Variants in SMURF2 observed in about 807,000 individuals in gnomAD.
SMURF2 encodes SMAD specific E3 ubiquitin protein ligase 2, also known as E3 ubiquitin-protein ligase SMURF2.
Under a neutral mutation model 109.6 loss-of-function variants are expected in SMURF2, and 48 were observed. The ratio of observed to expected loss-of-function variants is 0.44; its 90% confidence interval spans 0.35 to 0.56. The LOEUF (loss-of-function observed/expected upper bound fraction) is 0.56, where lower values mean the gene tolerates loss of function less well. Among genes scored for constraint, SMURF2 ranks in the 20% least tolerant of loss-of-function variants. The pLI is 0.01. For synonymous variants in SMURF2, 288 were observed against 317.1 expected, an observed-to-expected ratio of 0.91 and a Z score of 0.97; for missense variants, 575 against 909.0, an observed-to-expected ratio of 0.63 and a Z score of 4.72.
In SMURF2 at chr17:64,544,824, C is replaced by T. The variant is rs553896239; in HGVS notation, c.*1024G>A. On this transcript the variant is annotated 3_prime_UTR_variant, in exon 19 of 19. Coordinates refer to ENST00000262435, the MANE Select transcript of SMURF2 (RefSeq NM_022739.4). ...GCTGATTAAAATTATGAGCAGTTAA[C>T]GCTTTAGGATGGTTTTGTTAATGGA... The T allele has an allele frequency of 3.3e-5, 5 of 152,566 alleles. No individual in the cohort carries two copies. Among genetic ancestry groups the T allele is most frequent in the South Asian group, 2.1e-4 (1 of 4,818 alleles). 9.5% of individuals were successfully genotyped at this position (152,566 alleles called of 1,614,324 possible). A position where few individuals can be genotyped will look rare whatever the true frequency, so the allele number is the denominator to read the frequency against.
intron 1 of SMURF2, among the ~76,000 whole-genome samples, chr17:64,618,483 A>G (rs1555690303): frequency 2.6e-5 from 4 of 152,222 alleles, no homozygotes; most frequent in African/African-American, 9.6e-5. Context: ...AATACACAAA[A>G]GTACCGTTCT....
At chr17:64,565,075 G>T (rs1598273445) in intron 10 of SMURF2, among the ~76,000 whole-genome samples, 1 of 152,182 alleles carries the variant, frequency 6.6e-6, no homozygotes, top group East Asian at 1.9e-4. Flanking sequence ...TTTCAATAAG[G>T]CTGATTTTAA....
chr17:64,627,906 G>A (rs891358152), intron 1 of SMURF2, among the ~76,000 whole-genome samples: 3 of 152,144 alleles, frequency 2.0e-5, no homozygotes, highest in Admixed American at 6.5e-5. Flanking sequence ...CTGACAGCGC[G>A]CTTAGACTTT....
intron 1 of SMURF2, among the ~76,000 whole-genome samples, chr17:64,628,260 G>C (rs1468774056): frequency 6.6e-6 from 1 of 152,158 alleles, no homozygotes; most frequent in Admixed American, 6.6e-5. Context: ...TCCATTGTTA[G>C]TCCACCTGTG....
At chr17:64,644,222 C>T (rs1568208286) in intron 1 of SMURF2, among the ~76,000 whole-genome samples, 1 of 152,144 alleles carries the variant, frequency 6.6e-6, no homozygotes, top group Non-Finnish European at 1.5e-5. Flanking sequence ...TCAGGCAATC[C>T]ACCTGCCTCA....
intron 15 of SMURF2, among the ~76,000 whole-genome samples, chr17:64,553,583 C>T (rs1291007409): frequency 1.3e-5 from 2 of 152,084 alleles, no homozygotes; most frequent in African/African-American, 4.8e-5. Flanking sequence ...CTAAGACTTA[C>T]TTTTAAAATT....
chr17:64,569,803 A>G (rs1020929284), intron 10 of SMURF2, among the ~76,000 whole-genome samples: 2 of 152,212 alleles, frequency 1.3e-5, no homozygotes, highest in Non-Finnish European at 2.9e-5. Context: ...TTGAAGATAG[A>G]AATATTCTAC....
chr17:64,566,494 G>C (rs1969303283), intron 10 of SMURF2, among the ~76,000 whole-genome samples: 1 of 143,058 alleles, frequency 7.0e-6, no homozygotes, highest in South Asian at 2.2e-4. Flanking sequence ...GTGAAATCCT[G>C]TCCTTAAGAA....
chr17:64,606,846 G>C (rs1371941667), intron 1 of SMURF2, among the ~76,000 whole-genome samples: 1 of 152,050 alleles, frequency 6.6e-6, no homozygotes, highest in Non-Finnish European at 1.5e-5. Context: ...TAATAGCTGA[G>C]GGCAAGAAAG....
intron 1 of SMURF2, among the ~76,000 whole-genome samples, chr17:64,607,927 C>T (rs1439641570): frequency 1.3e-5 from 2 of 150,988 alleles, no homozygotes; most frequent in Non-Finnish European, 2.9e-5. Flanking sequence ...GCCAAGATTG[C>T]ACCACTGTAC....
rs1017876938 is a variant in SMURF2, at chr17:64,543,801, A to G, written c.*2047T>C. 1 of 152,210 alleles carries G rather than the reference A, an allele frequency of 6.6e-6. No homozygotes were observed. Among genetic ancestry groups the G allele is most frequent in the African/African-American group, 2.4e-5 (1 of 41,446 alleles). 9.4% of individuals were successfully genotyped at this position (152,210 alleles called of 1,614,324 possible). ...AAACTGCACTAGTGCTTTAATATAA[A>G]AGAGAGATGGGTCTGCAACCAGTAA... is the stretch of plus-strand genomic sequence containing the variant. On this transcript the variant is annotated 3_prime_UTR_variant, in exon 19 of 19. Transcript: ENST00000262435.
Position 64,571,973 on chromosome 17 carries a change from A to G in SMURF2, c.858-17T>C. 1 of 1,595,542 alleles carries G rather than the reference A, an allele frequency of 6.3e-7. No individual in the cohort carries two copies. On this transcript the variant is annotated splice_polypyrimidine_tract_variant and intron_variant, in intron 9 of 18. Transcript: ENST00000262435. The stretch of plus-strand genomic sequence containing the variant: ...CTAAGATCCCTGCAAAAACAAATAT[A>G]AAATAAAAAATACCTCATTGCTCGC...
intron 15 of SMURF2, among the ~76,000 whole-genome samples, chr17:64,553,534 C>CA (rs1161673632): frequency 5.1e-4 from 75 of 146,476 alleles, no homozygotes; most frequent in Middle Eastern, 3.5e-3. Flanking sequence ...AAACAAAAAA[C>CA]AAAAAAAAAA....
At chr17:64,591,736 C>T (rs16947914) in intron 4 of SMURF2, among the ~76,000 whole-genome samples, 4,218 of 152,214 alleles carry the variant, frequency 0.028, 192 homozygotes, top group African/African-American at 0.096. Flanking sequence ...ACCTAAAGTA[C>T]GCTGGTTTTA....
At chr17:64,588,928 A>G (rs1179088904) in intron 5 of SMURF2, among the ~76,000 whole-genome samples, 2 of 152,106 alleles carry the variant, frequency 1.3e-5, no homozygotes, top group Non-Finnish European at 2.9e-5. Flanking sequence ...CGGCCCGGGA[A>G]TACAGTTTTT....
At position 64,563,059 on chromosome 17, in the gene SMURF2, C is replaced by G. The variant is rs568466540; in HGVS notation, c.1017-93G>C. On this transcript the variant is annotated intron_variant, in intron 10 of 18. Coordinates refer to ENST00000262435, the MANE Select transcript of SMURF2 (RefSeq NM_022739.4). ...AATAGCATCATATTATAAAGCAAGTCTAGCTCTATCATTTTCCAAGCCTTA... is the reference window on the plus strand; with the variant it reads ...AATAGCATCATATTATAAAGCAAGTGTAGCTCTATCATTTTCCAAGCCTTA... The G allele has an allele frequency of 7.9e-6, 9 of 1,137,640 alleles. No homozygotes were observed. In the East Asian group the frequency reaches 2.3e-4, roughly 30 times the overall value. 70.5% of individuals were successfully genotyped at this position (1,137,640 alleles called of 1,614,324 possible).
In SMURF2 at chr17:64,593,428, G is replaced by A. The variant is rs781836477; in HGVS notation, c.334+12C>T. ...ATGTTTTTTAATTGGAAAAGCACTCGTATCTACTCACAACCAGTGTCTTTG... is the reference window on the plus strand; with the variant it reads ...ATGTTTTTTAATTGGAAAAGCACTCATATCTACTCACAACCAGTGTCTTTG... On this transcript the variant is annotated intron_variant, in intron 4 of 18. Coordinates refer to ENST00000262435, the MANE Select transcript of SMURF2 (RefSeq NM_022739.4). 106 of 1,595,104 alleles carry A rather than the reference G, an allele frequency of 6.6e-5. No homozygotes were observed. The Middle Eastern group carries it at 9.2e-4, about 14-fold the overall frequency.
intron 1 of SMURF2, among the ~76,000 whole-genome samples, chr17:64,629,722 A>C (rs1050227111): frequency 1.1e-4 from 16 of 152,218 alleles, no homozygotes; most frequent in African/African-American, 3.9e-4. Context: ...ATTAGTGGGA[A>C]GAATGTCAGT....
chr17:64,616,660 A>G (rs1970125687), intron 1 of SMURF2, among the ~76,000 whole-genome samples: 1 of 151,874 alleles, frequency 6.6e-6, no homozygotes, highest in Admixed American at 6.6e-5. Context: ...GTCTCAAAAA[A>G]AAAAAAAAAA....
Sources: allele counts gnomAD v4.1 joint callset (sites outside exome capture counted in the v4.1 genomes callset), GRCh38; gene constraint gnomAD v4.1.1; transcripts MANE v1.5; gene names NCBI Gene and HGNC (gene_info 2026-07-23, HGNC 2026-07-21).